The following CSMD1 variants were observed in gnomAD, a reference collection of about 807,000 sequenced individuals.
CSMD1 encodes the protein CUB and Sushi multiple domains 1.
Under a neutral mutation model 417.5 loss-of-function variants are expected in CSMD1, and 213 were observed. That is an observed-to-expected ratio of 0.51 (90% CI 0.46 to 0.57). The LOEUF (loss-of-function observed/expected upper bound fraction) is 0.57. CSMD1 is among the 20% of genes least tolerant of loss of function. The pLI is 0.00. For missense variants in CSMD1, 6,923 were observed against 4,529.7 expected, an observed-to-expected ratio of 1.53 and a Z score of -15.17; for synonymous variants, 2,862 against 1,736.8, an observed-to-expected ratio of 1.65 and a Z score of -16.11.
At chr8:3,545,696 C>T (rs1450832349) in intron 10 of CSMD1, among the ~76,000 whole-genome samples, 3 of 152,172 alleles carry the variant, frequency 2.0e-5, no homozygotes, top group Non-Finnish European at 4.4e-5. Flanking sequence ...GGACACTTAA[C>T]TGCGAATCAC....
At chr8:3,949,906 G>A (rs1158360051) in intron 5 of CSMD1, 2 of 455,816 alleles carry the variant, frequency 4.4e-6, no homozygotes, top group Non-Finnish European at 4.4e-6. Flanking sequence ...TCCATGGGAA[G>A]CTCCAGGTGT....
At chr8:4,071,475 TCTAA>T (rs1335932470) in intron 3 of CSMD1, among the ~76,000 whole-genome samples, 3 of 152,184 alleles carry the variant, frequency 2.0e-5, no homozygotes, top group Admixed American at 6.5e-5. Flanking sequence ...TCCTGATATT[TCTAA>T]CTTTTTTTCA....
intron 5 of CSMD1, among the ~76,000 whole-genome samples, chr8:3,838,369 C>G (rs909422218): frequency 2.0e-5 from 3 of 150,410 alleles, no homozygotes; most frequent in African/African-American, 7.4e-5. Flanking sequence ...GACACTGTCT[C>G]TACTATATAT....
chr8:3,470,164 T>A (rs1034825575), intron 11 of CSMD1, among the ~76,000 whole-genome samples: 1 of 152,206 alleles, frequency 6.6e-6, no homozygotes. Context: ...CTATCAGTTT[T>A]ACATCTTCTT....
intron 7 of CSMD1, among the ~76,000 whole-genome samples, chr8:3,640,010 A>C (rs13268385): frequency 6.6e-6 from 1 of 151,658 alleles, no homozygotes; most frequent in East Asian, 1.9e-4. Context: ...TAGGTGCTCA[A>C]TAAATGTTTG....
At chr8:3,579,691 C>G (rs1255686064) in intron 9 of CSMD1, among the ~76,000 whole-genome samples, 1 of 152,154 alleles carries the variant, frequency 6.6e-6, no homozygotes, top group Admixed American at 6.5e-5. Flanking sequence ...GCTGTCTCAT[C>G]TTAACTTATT....
At position 4,037,188 on chromosome 8, in the gene CSMD1, G is replaced by C. The variant is rs147960684; in HGVS notation, c.416-5089C>G. ...CAGTGTTCAATATTAGAAGTGTTTTGATCTTTAATATTTAGAATTTTGTAG... is the reference window on the plus strand; with the variant it reads ...CAGTGTTCAATATTAGAAGTGTTTTCATCTTTAATATTTAGAATTTTGTAG... On this transcript the variant is annotated intron_variant, in intron 3 of 69. Coordinates refer to ENST00000635120, the MANE Select transcript of CSMD1 (RefSeq NM_033225.6). Among the ~76,000 whole-genome samples, 1,183 of 152,254 alleles carry C rather than the reference G, an allele frequency of 7.8e-3. 16 individuals are homozygous for C. Among genetic ancestry groups the C allele is most frequent in the African/African-American group, 0.026 (1,087 of 41,534 alleles).
intron 3 of CSMD1, among the ~76,000 whole-genome samples, chr8:4,170,833 A>G (rs1797726441): frequency 6.6e-6 from 1 of 151,846 alleles, no homozygotes; most frequent in Non-Finnish European, 1.5e-5. Flanking sequence ...TCTCTCATTT[A>G]TAACATAAGC....
chr8:3,595,440 C>A lies in CSMD1; in HGVS notation c.1098-9180G>T, dbSNP rs113666551. 6.7e-3 allele frequency among the ~76,000 whole-genome samples: 1,019 copies of A among 152,218 alleles called. 18 individuals are homozygous for A. Among genetic ancestry groups the A allele is most frequent in the South Asian group, 0.029 (140 of 4,814 alleles). On this transcript the variant is annotated intron_variant, in intron 8 of 69. Transcript: ENST00000635120. ...CAATTTTTAGACTCATTTCTTCAAG[C>A]CTTAAGGCAGTTTAACACCACTAAA...
chr8:3,800,494 C>T (rs1800395877), intron 5 of CSMD1, among the ~76,000 whole-genome samples: 1 of 152,086 alleles, frequency 6.6e-6, no homozygotes, highest in South Asian at 2.1e-4. Flanking sequence ...GCATTTGGAT[C>T]CCTACCTCAC....
intron 2 of CSMD1, among the ~76,000 whole-genome samples, chr8:4,501,952 C>T (rs1186762972): frequency 2.6e-5 from 4 of 152,080 alleles, no homozygotes; most frequent in Non-Finnish European, 4.4e-5. Context: ...AGGGAGAGAA[C>T]TGTATTTAGA....
intron 5 of CSMD1, among the ~76,000 whole-genome samples, chr8:3,975,598 G>C (rs1023294915): frequency 6.6e-6 from 1 of 152,098 alleles, no homozygotes; most frequent in Non-Finnish European, 1.5e-5. Context: ...ACCTCGTGTG[G>C]ATTAGAAAAA....
intron 20 of CSMD1, among the ~76,000 whole-genome samples, chr8:3,364,883 T>A (rs966595784): frequency 1.3e-5 from 2 of 152,164 alleles, no homozygotes; most frequent in Non-Finnish European, 2.9e-5. Context: ...ACAGTAGTCG[T>A]CAAAAGAGTT....
At chr8:4,034,282 A>G (rs1347380185) in intron 3 of CSMD1, among the ~76,000 whole-genome samples, 1 of 152,310 alleles carries the variant, frequency 6.6e-6, no homozygotes, top group African/African-American at 2.4e-5. Flanking sequence ...TAGTGTTTAG[A>G]TATTGAATAT....
Position 3,230,890 on chromosome 8 carries a change from C to G in CSMD1, c.4154-659G>C, listed in dbSNP as rs1454829656. ...GCCTTTCTGCATATATATAAAGAAT[C>G]TCAAATCTGCTGAGTAGAGGCCAGA... On this transcript the variant is annotated intron_variant, in intron 26 of 69. Coordinates refer to ENST00000635120, the MANE Select transcript of CSMD1 (RefSeq NM_033225.6). Among the ~76,000 whole-genome samples, 4 of 150,538 alleles carry G rather than the reference C, an allele frequency of 2.7e-5. No individual in the cohort carries two copies. In the East Asian group the frequency reaches 5.8e-4, roughly 22 times the overall value.
intron 5 of CSMD1, among the ~76,000 whole-genome samples, chr8:3,972,641 A>C (rs943765448): frequency 1.3e-5 from 2 of 152,212 alleles, no homozygotes; most frequent in Non-Finnish European, 2.9e-5. Flanking sequence ...GTTAGTTTAC[A>C]TGTGATAGTA....
At chr8:4,924,153 G>C (rs151164706) in intron 1 of CSMD1, among the ~76,000 whole-genome samples, 3 of 152,046 alleles carry the variant, frequency 2.0e-5, no homozygotes, top group Non-Finnish European at 4.4e-5. Flanking sequence ...CCAGACACTC[G>C]ATGTTGAATA....
At chr8:4,446,289 C>A (rs79876499) in intron 2 of CSMD1, among the ~76,000 whole-genome samples, 2 of 152,120 alleles carry the variant, frequency 1.3e-5, no homozygotes, top group Non-Finnish European at 2.9e-5. Flanking sequence ...GGCTCATGCC[C>A]GTAATCCTGC....
At chr8:3,521,516 T>C (rs993148103) in intron 10 of CSMD1, among the ~76,000 whole-genome samples, 54 of 152,256 alleles carry the variant, frequency 3.5e-4, no homozygotes, top group African/African-American at 1.3e-3. Flanking sequence ...ATTACAATGA[T>C]CTGCCTGAGT....
Sources: allele counts gnomAD v4.1 joint callset (sites outside exome capture counted in the v4.1 genomes callset), GRCh38; gene constraint gnomAD v4.1.1; transcripts MANE v1.5; gene names NCBI Gene and HGNC (gene_info 2026-07-23, HGNC 2026-07-21).